The following PIEZO2 variants were observed in gnomAD, a reference collection of about 807,000 sequenced individuals.
The protein encoded by PIEZO2 is piezo type mechanosensitive ion channel component 2.
PIEZO2 carries 172 observed loss-of-function variants against 337.3 expected under a neutral mutation model. That is an observed-to-expected ratio of 0.51 (90% confidence interval 0.45 to 0.58). PIEZO2 has a LOEUF of 0.58. Ranked by LOEUF, PIEZO2 falls within the 20% of genes least tolerant of loss-of-function variation. PIEZO2 has a pLI of 0.00. For missense variants in PIEZO2, 3,028 were observed against 3,391.3 expected, an observed-to-expected ratio of 0.89 and a Z score of 2.66; for synonymous variants, 1,251 against 1,228.5, an observed-to-expected ratio of 1.02 and a Z score of -0.38.
Position 11,102,945 on chromosome 18 carries a change from G to A in PIEZO2, c.65-36723C>T, listed in dbSNP as rs950580100. On this transcript the variant is annotated intron_variant, in intron 1 of 55. Transcript: ENST00000674853. This position sits in a 1 kb window ranked among gnomAD's most constrained non-coding sequence, Gnocchi z 5.7. The stretch of plus-strand genomic sequence containing the variant: ...CTGTAATTTTAAAAATCCCAGGGAA[G>A]GACTCTCACTGGTCTTCTGTGGGTC... Among the ~76,000 whole-genome samples, 2 of 152,154 alleles carry A rather than the reference G, an allele frequency of 1.3e-5. No homozygotes were observed. The highest frequency in any genetic ancestry group is 2.9e-5 in the Non-Finnish European group (2 of 68,032).
chr18:10,672,660 G>A lies in PIEZO2; in HGVS notation c.8345+30C>T. The A allele has an allele frequency of 6.3e-7, 1 of 1,597,584 alleles. No individual in the cohort carries two copies. The highest frequency in any genetic ancestry group is 8.5e-7 in the Non-Finnish European group (1 of 1,174,392). ...TTACATGATACAGAAGTAGACTCTT[G>A]TAACTGTGAATTGTTCAATGAGTCC... is the stretch of plus-strand genomic sequence containing the variant. On this transcript the variant is annotated intron_variant, in intron 55 of 55. Coordinates refer to ENST00000674853, the MANE Select transcript of PIEZO2 (RefSeq NM_001378183.1). The surrounding 1 kb of genome is among the most constrained non-coding windows in gnomAD (Gnocchi z 4.7).
rs1337126422 is a variant in PIEZO2, at chr18:10,819,667, C to T, written c.918-12393G>A. ...ATCGGTGTTCACCTTCATGCTTGTT[C>T]TCTCACGGTCGCAAGAAACTGCTGC... is the stretch of plus-strand genomic sequence containing the variant. On this transcript the variant is annotated intron_variant, in intron 7 of 55. Transcript: ENST00000674853. The surrounding 1 kb of genome is among the most constrained non-coding windows in gnomAD (Gnocchi z 4.3). 2.0e-5 allele frequency among the ~76,000 whole-genome samples: 3 copies of T among 152,192 alleles called. No homozygotes were observed. The highest frequency in any genetic ancestry group is 4.4e-5 in the Non-Finnish European group (3 of 68,034).
rs959259668 is a variant in PIEZO2, at chr18:10,855,560, A to G, written c.710T>C (p.Met237Thr). The G allele has an allele frequency of 1.3e-6, 2 of 1,535,796 alleles. No individual in the cohort carries two copies. Among genetic ancestry groups the G allele is most frequent in the African/African-American group, 1.4e-5 (1 of 73,024 alleles). ...CACAGATGATGTCAAAGACGGCAAC[A>G]TCATGCCTAAGGAAGAGAAACGTAA... ...VTILLGSSGM[M>T]LPSLTSSVYF... is the part of the protein sequence containing the mutation. The change falls in exon 7 of 56, where the codon ATG (methionine) becomes ACG (threonine). Residue 237 changes from methionine (M) to threonine (T), a missense_variant. This residue lies in a region of PIEZO2 where 542 missense variants were observed against 605.6 expected (regional missense o/e 0.89). Coordinates refer to ENST00000674853, the MANE Select transcript of PIEZO2 (RefSeq NM_001378183.1). This position sits in a 1 kb window ranked among gnomAD's most constrained non-coding sequence, Gnocchi z 4.9.
At chr18:10,851,178 T>C (rs1411492809) in intron 7 of PIEZO2, among the ~76,000 whole-genome samples, 1 of 149,704 alleles carries the variant, frequency 6.7e-6, no homozygotes, top group Non-Finnish European at 1.5e-5. Context: ...TTTTTGCCAG[T>C]CTGCAGTTTG....
intron 39 of PIEZO2, among the ~76,000 whole-genome samples, chr18:10,714,534 A>C (rs2035937695): frequency 6.6e-6 from 1 of 152,158 alleles, no homozygotes; most frequent in South Asian, 2.1e-4. Context: ...CCTTTGGGTC[A>C]CACAGGTATA....
At position 10,705,636 on chromosome 18, in the gene PIEZO2, C is replaced by T. The variant is rs1229503575; in HGVS notation, c.5699G>A (p.Arg1900Lys). Residue 1900 changes from arginine (R) to lysine (K), a missense_variant, in exon 41 of 56, where the codon AGG becomes AAG. By Grantham distance (26) the Arg-to-Lys change is conservative. This residue lies in a region of PIEZO2 where 1,925 missense variants were observed against 2,051.9 expected (regional missense o/e 0.94). Transcript: ENST00000674853. Reference protein sequence around the residue: ...EEAGSTAPEPREAKEYEATGY... With the variant: ...EEAGSTAPEPKEAKEYEATGY... Reference sequence around the variant, plus strand: ...AGTGGCCTCGTACTCCTTGGCCTCCCTGGGCTCAGGCGCCGTGCTCCCTGC... The same window carrying T: ...AGTGGCCTCGTACTCCTTGGCCTCCTTGGGCTCAGGCGCCGTGCTCCCTGC... The T allele has an allele frequency of 1.3e-6, 2 of 1,537,186 alleles. No homozygotes were observed. The highest frequency in any genetic ancestry group is 1.7e-6 in the Non-Finnish European group (2 of 1,146,890).
In PIEZO2 at chr18:10,815,050, T is replaced by A. The variant is rs913573951; in HGVS notation, c.918-7776A>T. 1.3e-5 allele frequency among the ~76,000 whole-genome samples: 2 copies of A among 152,208 alleles called. No homozygotes were observed. The highest frequency in any genetic ancestry group is 2.9e-5 in the Non-Finnish European group (2 of 68,032). On this transcript the variant is annotated intron_variant, in intron 7 of 55. Transcript: ENST00000674853. The surrounding 1 kb of genome is among the most constrained non-coding windows in gnomAD (Gnocchi z 4.1). ...CCCTGCAGCAGCTTATAAAACTAAT[T>A]GTGGGGAAAATGGCCAGGCACTAAA...
rs2036609607 is a variant in PIEZO2, at chr18:11,028,351, C to T, written c.160+37776G>A. On this transcript the variant is annotated intron_variant, in intron 2 of 55. Transcript: ENST00000674853. The surrounding 1 kb of genome is among the most constrained non-coding windows in gnomAD (Gnocchi z 4.8). Reference sequence around the variant, plus strand: ...TCTCGGCTCATTGCAACCTCTGCCTCCCAGGTTCAAGCAATTATCTTGCCT... The same window carrying T: ...TCTCGGCTCATTGCAACCTCTGCCTTCCAGGTTCAAGCAATTATCTTGCCT... Among the ~76,000 whole-genome samples the T allele has an allele frequency of 6.6e-6, 1 of 151,948 alleles. No individual in the cohort carries two copies. The highest frequency in any genetic ancestry group is 1.5e-5 in the Non-Finnish European group (1 of 68,028).
In PIEZO2 at chr18:10,704,655, G is replaced by A; in HGVS notation, c.6000-3C>T. 2.0e-6 allele frequency: 3 copies of A among 1,535,024 alleles called. No homozygotes were observed. The highest frequency in any genetic ancestry group is 2.6e-6 in the Non-Finnish European group (3 of 1,145,052). Reference sequence around the variant, plus strand: ...CAAGCTCATCGTCGTGAAACATCCTGTTAAAGCAAACCACATGATAATATG... The same window carrying A: ...CAAGCTCATCGTCGTGAAACATCCTATTAAAGCAAACCACATGATAATATG... On this transcript the variant is annotated splice_region_variant and splice_polypyrimidine_tract_variant and intron_variant, in intron 41 of 55. Transcript: ENST00000674853.
rs1418888649 is a variant in PIEZO2 at position 11,070,747 on chromosome 18, C to G, written c.65-4525G>C. On this transcript the variant is annotated intron_variant, in intron 1 of 55. Transcript: ENST00000674853. This position sits in a 1 kb window ranked among gnomAD's most constrained non-coding sequence, Gnocchi z 4.3. ...TGAACGTGCTGCCACAACCAGGAAG[C>G]TGGAAGCAAGAAGGGGAGGCCCGGG... is the stretch of plus-strand genomic sequence containing the variant. 6.6e-6 allele frequency among the ~76,000 whole-genome samples: 1 copy of G among 152,168 alleles called. No homozygotes were observed. The highest frequency in any genetic ancestry group is 2.4e-5 in the African/African-American group (1 of 41,434).
chr18:10,843,218 G>T (rs1032894178), intron 7 of PIEZO2, among the ~76,000 whole-genome samples: 1 of 152,176 alleles, frequency 6.6e-6, no homozygotes, highest in East Asian at 1.9e-4. Context: ...TAACAAACAA[G>T]ATGATCACAC....
At chr18:10,706,967 G>C (rs2035613159) in intron 40 of PIEZO2, among the ~76,000 whole-genome samples, 1 of 152,180 alleles carries the variant, frequency 6.6e-6, no homozygotes, top group South Asian at 2.1e-4. Flanking sequence ...ATGGATGAAT[G>C]AATGAATGAA....
chr18:10,671,740 C>G lies in PIEZO2; in HGVS notation c.8385G>C (p.Gly2795=), dbSNP rs2033787288. 2 of 1,613,622 alleles carry G rather than the reference C, an allele frequency of 1.2e-6. No homozygotes were observed. Among genetic ancestry groups the G allele is most frequent in the Admixed American group, 3.3e-5 (2 of 59,972 alleles). ...GLYASVVLVI[G]KFVREFFSGI... is the part of the protein sequence containing the mutation. ...CACTGAAGAATTCACGGACAAATTT[C>G]CCAATCACAAGGACAACTGAAGCAT... The change falls in exon 56 of 56, where the codon GGG becomes GGC. Residue 2795 remains glycine, a synonymous_variant. Coordinates refer to ENST00000674853, the MANE Select transcript of PIEZO2 (RefSeq NM_001378183.1).
At chr18:11,049,411 G>A (rs1388456879) in intron 2 of PIEZO2, among the ~76,000 whole-genome samples, 1 of 152,220 alleles carries the variant, frequency 6.6e-6, no homozygotes, top group Non-Finnish European at 1.5e-5. Context: ...GCCTGGTAGA[G>A]CAGACACCAG....
In PIEZO2 at chr18:10,736,716, C is replaced by T; in HGVS notation, c.4709-6G>A. 1.3e-6 allele frequency: 2 copies of T among 1,533,896 alleles called. No individual in the cohort carries two copies. The highest frequency in any genetic ancestry group is 1.7e-6 in the Non-Finnish European group (2 of 1,145,866). On this transcript the variant is annotated splice_polypyrimidine_tract_variant and splice_region_variant and intron_variant, in intron 33 of 55. Transcript: ENST00000674853. The stretch of plus-strand genomic sequence containing the variant: ...ATAATCTCCACTCCTGACCACTAAG[C>T]AAAACAAAATATTCACTCATTTCTT...
At chr18:11,025,642 C>A (rs2036514149) in intron 2 of PIEZO2, among the ~76,000 whole-genome samples, 1 of 152,134 alleles carries the variant, frequency 6.6e-6, no homozygotes, top group Non-Finnish European at 1.5e-5. Context: ...TGAAAAGATT[C>A]TCTCTGTTTT....
At chr18:10,718,282 A>G (rs1050764341) in intron 36 of PIEZO2, 23 bp from the exon 37 acceptor site, 5 of 1,523,868 alleles carry the variant, frequency 3.3e-6, no homozygotes, top group Non-Finnish European at 4.4e-6. Context: ...TTCAATAAAG[A>G]TGAGTTAAAT....
At chr18:10,772,238 G>C (rs1179791816) in intron 20 of PIEZO2, among the ~76,000 whole-genome samples, 1 of 152,124 alleles carries the variant, frequency 6.6e-6, no homozygotes, top group African/African-American at 2.4e-5. Flanking sequence ...GGCTAAGGCA[G>C]GACTACTGTA....
At position 10,853,856 on chromosome 18, in the gene PIEZO2, A is replaced by C. The variant is rs1846104388; in HGVS notation, c.917+1497T>G. On this transcript the variant is annotated intron_variant, in intron 7 of 55. Coordinates refer to ENST00000674853, the MANE Select transcript of PIEZO2 (RefSeq NM_001378183.1). This position sits in a 1 kb window ranked among gnomAD's most constrained non-coding sequence, Gnocchi z 4.2. ...TTTTCTGTCTACCCACAAAACCATC[A>C]TACACCTAAGAAATCAGCAATAATT... Among the ~76,000 whole-genome samples the C allele has an allele frequency of 6.6e-6, 1 of 152,204 alleles. No individual in the cohort carries two copies. The highest frequency in any genetic ancestry group is 1.5e-5 in the Non-Finnish European group (1 of 68,030).
Sources: allele counts gnomAD v4.1 joint callset (sites outside exome capture counted in the v4.1 genomes callset), GRCh38; gene constraint gnomAD v4.1.1; regional missense constraint gnomAD v4.1.1; non-coding constraint Gnocchi (gnomAD v3.1); transcripts MANE v1.5; gene names NCBI Gene and HGNC (gene_info 2026-07-23, HGNC 2026-07-21).